SH3YL1: variants seen among roughly 807,000 people sequenced by gnomAD.
The protein encoded by SH3YL1 is SH3 domain-containing YSC84-like protein 1.
SH3YL1 carries 41 observed loss-of-function variants against 45.8 expected under a neutral mutation model. The ratio of observed to expected loss-of-function variants is 0.89; its 90% CI spans 0.70 to 1.16. The LOEUF (loss-of-function observed/expected upper bound fraction) is 1.16. SH3YL1 is among the 50% of genes most tolerant of loss of function. The probability of loss-of-function intolerance (pLI) is 0.00; values close to 1 mark genes in which losing one functional copy is unlikely to be tolerated. For missense variants in SH3YL1, 389 were observed against 409.6 expected, an observed-to-expected ratio of 0.95 and a Z score of 0.43; for synonymous variants, 152 against 151.4, an observed-to-expected ratio of 1.00 and a Z score of -0.03.
chr2:218,524 C>T lies in SH3YL1; in HGVS notation c.*287G>A, dbSNP rs1251952547. On this transcript the variant is annotated 3_prime_UTR_variant, in exon 10 of 10. Coordinates refer to ENST00000356150, the MANE Select transcript of SH3YL1 (RefSeq NM_015677.4). ...TAAAACACAGCTACCATATACATGG[C>T]CAGATCAAATGCTTAGCGATGTTTG... 1.1e-5 allele frequency: 3 copies of T among 262,046 alleles called. No individual in the cohort carries two copies. The Admixed American group carries it at 1.5e-4, about 14-fold the overall frequency. The allele number at this position is 262,046 out of a possible 1,614,324, so 16.2% of individuals were successfully genotyped here. A position where few individuals can be genotyped will look rare whatever the true frequency, so the allele number is the denominator to read the frequency against.
chr2:233,328 G>T (rs1668138217), intron 5 of SH3YL1, 99 bp from the exon 6 acceptor site: 1 of 1,224,104 alleles, frequency 8.2e-7, no homozygotes, highest in Non-Finnish European at 1.1e-6. Context: ...GAATTATTTT[G>T]TTCTGTACCT....
At chr2:264,315 C>T, upstream of SH3YL1, 1 of 321,126 alleles carries the variant, frequency 3.1e-6, no homozygotes, top group Non-Finnish European at 5.7e-6. Flanking sequence ...GGCGTGGACC[C>T]CGCGGGGCTC....
chr2:246,806 A>G (rs907373541), intron 4 of SH3YL1, among the ~76,000 whole-genome samples: 3 of 152,124 alleles, frequency 2.0e-5, no homozygotes, highest in Admixed American at 6.5e-5. Flanking sequence ...GATTGAATAA[A>G]GATGAAAAAA....
intron 1 of SH3YL1, among the ~76,000 whole-genome samples, chr2:254,771 A>G (rs1287312166): frequency 6.6e-6 from 1 of 152,202 alleles, no homozygotes; most frequent in East Asian, 1.9e-4. Context: ...TGGACAACAG[A>G]TGGAACTCAG....
At chr2:232,919 G>T (rs1668113471) in intron 6 of SH3YL1, 182 bp downstream of exon 6, 1 of 411,052 alleles carries the variant, frequency 2.4e-6, no homozygotes, top group Admixed American at 4.5e-5. Context: ...TCTTTTTCAT[G>T]TGTCTTCTGC....
chr2:227,699 G>A (rs1320481491), intron 8 of SH3YL1, among the ~76,000 whole-genome samples: 2 of 152,124 alleles, frequency 1.3e-5, no homozygotes, highest in Admixed American at 6.5e-5. Context: ...ACACAAGAAT[G>A]GAGAAAACAA....
chr2:226,555 T>C (rs1558234236), intron 8 of SH3YL1, among the ~76,000 whole-genome samples: 1 of 152,234 alleles, frequency 6.6e-6, no homozygotes, highest in Non-Finnish European at 1.5e-5. Flanking sequence ...GGAAGGTATA[T>C]GCTGAAGAAT....
chr2:237,124 T>C (rs1668338894), intron 4 of SH3YL1, among the ~76,000 whole-genome samples: 1 of 57,074 alleles, frequency 1.8e-5, no homozygotes, highest in East Asian at 4.9e-4. Flanking sequence ...TTGCCTTCCA[T>C]AATGCTTCCC....
chr2:242,706 GATT>G (rs1668594195), intron 4 of SH3YL1: 1 of 1,397,754 alleles, frequency 7.2e-7, no homozygotes, highest in Non-Finnish European at 9.3e-7. Context: ...AAAAGGCAGA[GATT>G]ATTAGCATGG....
intron 3 of SH3YL1, among the ~76,000 whole-genome samples, chr2:249,326 A>G (rs1398587336): frequency 6.6e-6 from 1 of 152,230 alleles, no homozygotes; most frequent in Non-Finnish European, 1.5e-5. Flanking sequence ...AGAAACAAAG[A>G]AATTCACATA....
At position 231,168 on chromosome 2, in the gene SH3YL1, G is replaced by A; in HGVS notation, c.557C>T (p.Ala186Val). 1 of 1,612,268 alleles carries A rather than the reference G, an allele frequency of 6.2e-7. No homozygotes were observed. Among genetic ancestry groups the A allele is most frequent in the Non-Finnish European group, 8.5e-7 (1 of 1,179,120 alleles). ...NRKFYCQDIR[A>V]YDILFGDTPR... ...TGTATCTCCAAATAAAATGTCATAA[G>A]CTCGGATATCTTGACAATAAAATCT... Residue 186 changes from alanine (A) to valine (V), a missense_variant, in exon 7 of 10, where the codon GCT (alanine) becomes GTT (valine). By Grantham distance (64) the Ala-to-Val change is moderately conservative. Coordinates refer to ENST00000356150, the MANE Select transcript of SH3YL1 (RefSeq NM_015677.4).
intron 4 of SH3YL1, among the ~76,000 whole-genome samples, chr2:236,193 GGCAGCAGCATGGGTCAGGGGAGGCA>G (rs1165830096): frequency 6.5e-4 from 28 of 43,208 alleles, no homozygotes; most frequent in African/African-American, 1.5e-3. Flanking sequence ...GGCCAGGGGA[GGCAGCAGCATGGGTCAGGGGAGGCA>G]GCAGCATGGG....
Position 242,732 on chromosome 2 carries a change from T to TAACAACAAC in SH3YL1, c.291+4797_291+4805dup, listed in dbSNP as rs35468551. Reference sequence around the variant, plus strand: ...ATTATTAGCATGGATAAAACAACAATAACAACAACAACAACAACATCCAAT... The same window carrying TAACAACAAC: ...ATTATTAGCATGGATAAAACAACAATAACAACAACAACAACAACAACAACAACATCCAAT... On this transcript the variant is annotated intron_variant, in intron 4 of 9. Transcript: ENST00000356150. 2.6e-5 allele frequency: 36 copies of TAACAACAAC among 1,403,656 alleles called. No homozygotes were observed. In the South Asian group the frequency reaches 5.0e-4, roughly 19 times the overall value. The allele number at this position is 1,403,656 out of a possible 1,614,324, so 87.0% of individuals were successfully genotyped here. A position where few individuals can be genotyped will look rare whatever the true frequency, so the allele number is the denominator to read the frequency against.
intron 8 of SH3YL1, among the ~76,000 whole-genome samples, chr2:228,349 T>A (rs1667874704): frequency 6.6e-6 from 1 of 152,170 alleles, no homozygotes; most frequent in Non-Finnish European, 1.5e-5. Flanking sequence ...TTTAGAAAGC[T>A]CACACAAGGG....
chr2:243,787 A>G (rs1179620821), intron 4 of SH3YL1, among the ~76,000 whole-genome samples: 1 of 152,066 alleles, frequency 6.6e-6, no homozygotes, highest in African/African-American at 2.4e-5. Flanking sequence ...ACAACCACAC[A>G]CTAGCTGTGT....
At chr2:249,698 A>G (rs1265099266) in intron 3 of SH3YL1, 33 bp downstream of exon 3, 1 of 1,408,296 alleles carries the variant, frequency 7.1e-7, no homozygotes, top group Non-Finnish European at 9.8e-7. Flanking sequence ...AAGAATGAAG[A>G]CTCTCTACTC....
chr2:263,708 G>A (rs1669706417), intron 1 of SH3YL1: 1 of 424,754 alleles, frequency 2.4e-6, no homozygotes, highest in African/African-American at 2.1e-5. Flanking sequence ...TCAAATATCA[G>A]GAAGTTAAAA....
At chr2:254,381 G>A (rs1485964227) in intron 1 of SH3YL1, among the ~76,000 whole-genome samples, 1 of 152,182 alleles carries the variant, frequency 6.6e-6, no homozygotes, top group East Asian at 1.9e-4. Context: ...CTGGACGAGG[G>A]ATCAGCAGAG....
intron 4 of SH3YL1, among the ~76,000 whole-genome samples, chr2:246,073 T>C (rs1008930842): frequency 1.5e-4 from 23 of 151,788 alleles, no homozygotes; most frequent in Non-Finnish European, 2.8e-4. Context: ...TGCACGCCTG[T>C]AGTCCCAGCT....
Sources: gnomAD v4.1 joint callset for allele counts (sites outside exome capture counted in the v4.1 genomes callset) on GRCh38, gnomAD v4.1.1 for gene constraint, MANE v1.5 for transcripts, NCBI Gene and HGNC (gene_info 2026-07-23, HGNC 2026-07-21) for gene names.